MORC1: variants seen among roughly 807,000 people sequenced by gnomAD.
MORC1 encodes MORC family CW-type zinc finger 1, also known as MORC family CW-type zinc finger protein 1.
A neutral mutation model predicts 134.9 loss-of-function variants in MORC1; 59 were observed. The ratio of observed to expected loss-of-function variants is 0.44; its 90% CI spans 0.35 to 0.54. The LOEUF is 0.54. Ranked by LOEUF, MORC1 falls within the 20% of genes least tolerant of loss-of-function variation. The pLI, the probability that MORC1 is intolerant of heterozygous loss-of-function variation, is 0.00. For synonymous variants in MORC1, 395 were observed against 391.7 expected (o/e 1.01, Z -0.10); for missense variants, 947 against 1,134.5 (o/e 0.83, Z 2.37).
At chr3:108,998,798 C>T (rs970093645) in intron 21 of MORC1, among the ~76,000 whole-genome samples, 5 of 152,260 alleles carry the variant, frequency 3.3e-5, no homozygotes, top group African/African-American at 1.2e-4. Context: ...AGTATGAAAA[C>T]AGACATCCTG....
rs566857326 is a variant in MORC1 at position 109,062,622 on chromosome 3, G to A, written c.895+530C>T. Among the ~76,000 whole-genome samples, 22 of 152,088 alleles carry A rather than the reference G, an allele frequency of 1.4e-4. No individual in the cohort carries two copies. In the East Asian group the frequency reaches 2.3e-3, roughly 16 times the overall value. On this transcript the variant is annotated intron_variant, in intron 10 of 27. Coordinates refer to ENST00000232603, the MANE Select transcript of MORC1 (RefSeq NM_014429.4). ...TTTTTAGTAGAGACAGGGTTTCACCGTGTTAGCCAGGATGGTATCAATCTC... is the reference window on the plus strand; with the variant it reads ...TTTTTAGTAGAGACAGGGTTTCACCATGTTAGCCAGGATGGTATCAATCTC...
chr3:109,000,682 A>G, intron 20 of MORC1, 24 bp from the exon 21 acceptor site: 1 of 1,563,516 alleles, frequency 6.4e-7, no homozygotes. Context: ...TTAACAAAAA[A>G]AATACAAGGA....
At chr3:108,971,486 G>A (rs554766779) in intron 24 of MORC1, 84 bp from the exon 25 acceptor site, 4 of 1,172,268 alleles carry the variant, frequency 3.4e-6, no homozygotes, top group East Asian at 4.8e-5. Context: ...TTTGTCTCCT[G>A]GGTATTAAAT....
At chr3:109,096,217 G>C (rs1342125831) in intron 6 of MORC1, among the ~76,000 whole-genome samples, 1 of 152,178 alleles carries the variant, frequency 6.6e-6, no homozygotes, top group Non-Finnish European at 1.5e-5. Context: ...TTCAGTGAAA[G>C]TGTCAGAGGT....
chr3:109,065,809 A>G (rs1213466742), intron 9 of MORC1, among the ~76,000 whole-genome samples: 1 of 152,212 alleles, frequency 6.6e-6, no homozygotes, highest in Non-Finnish European at 1.5e-5. Context: ...AAAGTGGTAC[A>G]TATACACTAT....
chr3:109,059,010 C>T (rs1254266100), intron 12 of MORC1, among the ~76,000 whole-genome samples: 1 of 152,010 alleles, frequency 6.6e-6, no homozygotes, highest in Non-Finnish European at 1.5e-5. Context: ...ATTACAATTT[C>T]TATGACATTT....
intron 27 of MORC1, among the ~76,000 whole-genome samples, chr3:108,959,620 G>A (rs1030570677): frequency 1.3e-5 from 2 of 152,056 alleles, no homozygotes; most frequent in Non-Finnish European, 2.9e-5. Context: ...GCTCCCTACT[G>A]AGGCGATTTC....
rs1410303574 is a variant in MORC1, at chr3:108,996,729, G to A, written c.2187+3828C>T. 3.9e-5 allele frequency among the ~76,000 whole-genome samples: 6 copies of A among 152,102 alleles called. No homozygotes were observed. In the East Asian group the frequency reaches 9.6e-4, roughly 24 times the overall value. ...AACTAATATCAAAAACAAAAAATGCGGCCGGGAGTAGTGGCTCATGCCTGT... is the reference window on the plus strand; with the variant it reads ...AACTAATATCAAAAACAAAAAATGCAGCCGGGAGTAGTGGCTCATGCCTGT... On this transcript the variant is annotated intron_variant, in intron 21 of 27. Coordinates refer to ENST00000232603, the MANE Select transcript of MORC1 (RefSeq NM_014429.4).
intron 15 of MORC1, among the ~76,000 whole-genome samples, 194 bp from the exon 16 acceptor site, chr3:109,033,019 AGTT>A (rs1403298398): frequency 8.2e-6 from 1 of 122,596 alleles, no homozygotes; most frequent in Non-Finnish European, 1.8e-5. Flanking sequence ...CCCACCAACA[AGTT>A]ATTATTATTA....
At chr3:109,060,325 C>A (rs547570337) in intron 11 of MORC1, among the ~76,000 whole-genome samples, 1 of 151,570 alleles carries the variant, frequency 6.6e-6, no homozygotes, top group Non-Finnish European at 1.5e-5. Context: ...TCCTTCATAT[C>A]GAATTCTGGA....
At chr3:109,037,720 G>T (rs1416718801) in intron 14 of MORC1, among the ~76,000 whole-genome samples, 1 of 152,156 alleles carries the variant, frequency 6.6e-6, no homozygotes, top group Non-Finnish European at 1.5e-5. Context: ...GTTATAGTTT[G>T]CTCAGAATGA....
chr3:108,998,813 G>C (rs1948310801), intron 21 of MORC1, among the ~76,000 whole-genome samples: 1 of 152,080 alleles, frequency 6.6e-6, no homozygotes, highest in South Asian at 2.1e-4. Flanking sequence ...ATCCTGCTAG[G>C]ATCACAGAGA....
chr3:109,062,802 C>G (rs572858161), intron 10 of MORC1, among the ~76,000 whole-genome samples: 25 of 152,270 alleles, frequency 1.6e-4, no homozygotes, highest in African/African-American at 5.8e-4. Flanking sequence ...GTTGCCCAGG[C>G]TGGTCTTGAA....
intron 3 of MORC1, among the ~76,000 whole-genome samples, chr3:109,109,038 G>A (rs1420535250): frequency 1.3e-5 from 2 of 152,102 alleles, no homozygotes; most frequent in African/African-American, 2.4e-5. Flanking sequence ...CACTTAGTGC[G>A]AGTCAACCGA....
chr3:109,049,647 G>A (rs1949774938), intron 14 of MORC1, among the ~76,000 whole-genome samples: 1 of 151,984 alleles, frequency 6.6e-6, no homozygotes, highest in Non-Finnish European at 1.5e-5. Flanking sequence ...ACCACTTACT[G>A]GAAAAAATAA....
intron 21 of MORC1, among the ~76,000 whole-genome samples, chr3:108,988,399 A>G (rs1339146827): frequency 2.0e-5 from 3 of 152,188 alleles, no homozygotes; most frequent in Non-Finnish European, 4.4e-5. Flanking sequence ...ATAAACATGC[A>G]TATTTTTAAA....
chr3:109,040,000 G>A (rs948151551), intron 14 of MORC1, among the ~76,000 whole-genome samples: 8 of 151,926 alleles, frequency 5.3e-5, no homozygotes, highest in Admixed American at 2.0e-4. Flanking sequence ...GTCACTGCAC[G>A]TGTCCAGGCA....
At chr3:109,001,721 A>G (rs951252515) in intron 20 of MORC1, among the ~76,000 whole-genome samples, 5 of 152,184 alleles carry the variant, frequency 3.3e-5, no homozygotes, top group Admixed American at 2.0e-4. Flanking sequence ...GCTTCTGTCT[A>G]GTCCTTCTTT....
At chr3:109,059,667 A>G in intron 12 of MORC1, 139 bp downstream of exon 12, 1 of 608,122 alleles carries the variant, frequency 1.6e-6, no homozygotes, top group Non-Finnish European at 2.8e-6. Context: ...GAACTTGACT[A>G]TATTAGGTTT....
Sources: allele counts gnomAD v4.1 joint callset (sites outside exome capture counted in the v4.1 genomes callset), GRCh38; gene constraint gnomAD v4.1.1; transcripts MANE v1.5; gene names NCBI Gene and HGNC (gene_info 2026-07-23, HGNC 2026-07-21).